Variants in MAN2A1 observed in about 807,000 individuals in gnomAD.
MAN2A1 encodes the protein alpha-mannosidase 2.
A neutral mutation model predicts 142.6 loss-of-function variants in MAN2A1; 76 were observed. That is an observed-to-expected ratio of 0.53 (90% CI 0.44 to 0.65). The LOEUF is 0.65. Ranked by LOEUF, MAN2A1 falls within the 30% of genes least tolerant of loss-of-function variation. The probability of loss-of-function intolerance (pLI) is 0.00; values close to 1 mark genes in which losing one functional copy is unlikely to be tolerated. For synonymous variants in MAN2A1, 559 were observed against 473.2 expected (o/e 1.18, Z -2.35); for missense variants, 1,311 against 1,365.1 (o/e 0.96, Z 0.62).
At chr5:109,844,632 C>A (rs1001574011) in intron 17 of MAN2A1, among the ~76,000 whole-genome samples, 1 of 152,164 alleles carries the variant, frequency 6.6e-6, no homozygotes, top group Admixed American at 6.5e-5. Flanking sequence ...TTGGCAGGGC[C>A]ATATTCCCTC....
chr5:109,712,626 G>A (rs1018858202), intron 1 of MAN2A1, among the ~76,000 whole-genome samples: 7 of 152,166 alleles, frequency 4.6e-5, no homozygotes, highest in Middle Eastern at 3.4e-3. Flanking sequence ...ACCTTAATGT[G>A]GGTTTTTTGA....
intron 18 of MAN2A1, among the ~76,000 whole-genome samples, chr5:109,847,205 G>A (rs1755365422): frequency 6.6e-6 from 1 of 152,150 alleles, no homozygotes; most frequent in Non-Finnish European, 1.5e-5. Flanking sequence ...GGACTAGACA[G>A]TAAGACTCAA....
chr5:109,724,755 C>T (rs375542129), intron 3 of MAN2A1, among the ~76,000 whole-genome samples: 21 of 152,068 alleles, frequency 1.4e-4, no homozygotes, highest in Middle Eastern at 3.4e-3. Context: ...CTTTGTGGAG[C>T]GGGGTGCCTT....
chr5:109,763,678 A>G (rs1752915164), intron 5 of MAN2A1, among the ~76,000 whole-genome samples: 1 of 152,072 alleles, frequency 6.6e-6, no homozygotes, highest in African/African-American at 2.4e-5. Flanking sequence ...TTTGTTTTCT[A>G]AAGAATTTAG....
intron 5 of MAN2A1, among the ~76,000 whole-genome samples, chr5:109,759,177 A>G (rs907811824): frequency 1.3e-5 from 2 of 152,164 alleles, no homozygotes; most frequent in African/African-American, 2.4e-5. Flanking sequence ...ACAATGTCAC[A>G]TCTTCTGATA....
intron 16 of MAN2A1, among the ~76,000 whole-genome samples, chr5:109,827,544 G>A (rs944950663): frequency 2.0e-5 from 3 of 152,134 alleles, no homozygotes; most frequent in Non-Finnish European, 2.9e-5. Flanking sequence ...TTGAGAGGCC[G>A]TATAGTTCAA....
chr5:109,791,273 TATC>T (rs1455007776), intron 12 of MAN2A1, among the ~76,000 whole-genome samples: 4 of 152,048 alleles, frequency 2.6e-5, no homozygotes, highest in Non-Finnish European at 4.4e-5. Context: ...TTATGCTTAT[TATC>T]CATTTTATAG....
intron 1 of MAN2A1, among the ~76,000 whole-genome samples, chr5:109,691,466 C>A (rs1235101873): frequency 6.6e-6 from 1 of 152,186 alleles, no homozygotes; most frequent in East Asian, 1.9e-4. Context: ...AACTCAAACC[C>A]TGACAGGGCA....
Position 109,781,530 on chromosome 5 carries a change from C to G in MAN2A1, c.1509C>G (p.Tyr503Ter). The stretch of plus-strand genomic sequence containing the variant: ...CTTATGCCGATCGAGATGATCATTA[C>G]TGGAGTGGCTATTTTACATCCAGAC... ...FFTYADRDDH[Y>*]WSGYFTSRPF... The change falls in exon 9 of 22, where the codon TAC (tyrosine) becomes TAG (stop). Residue 503 changes from tyrosine (Y) to a stop codon, truncating the protein, a stop_gained. Coordinates refer to ENST00000261483, the MANE Select transcript of MAN2A1 (RefSeq NM_002372.4). LOFTEE classifies it high-confidence loss of function. The G allele has an allele frequency of 6.2e-7, 1 of 1,613,006 alleles. No homozygotes were observed. The highest frequency in any genetic ancestry group is 1.3e-5 in the African/African-American group (1 of 75,014).
chr5:109,775,057 A>G (rs776711427), intron 8 of MAN2A1, 92 bp downstream of exon 8: 2 of 791,962 alleles, frequency 2.5e-6, no homozygotes, highest in Admixed American at 3.0e-5. Flanking sequence ...TCTTTGTCCT[A>G]CATCACAGTG....
chr5:109,747,991 A>G (rs1561491602), intron 4 of MAN2A1, among the ~76,000 whole-genome samples: 1 of 152,164 alleles, frequency 6.6e-6, no homozygotes, highest in Non-Finnish European at 1.5e-5. Context: ...CTTTTTAAAC[A>G]TGTATCTTGG....
intron 19 of MAN2A1, among the ~76,000 whole-genome samples, 169 bp downstream of exon 19, chr5:109,847,959 G>T (rs180964484): frequency 6.6e-6 from 1 of 152,028 alleles, no homozygotes; most frequent in East Asian, 1.9e-4. Context: ...TATAAATATC[G>T]TGTAAGATTT....
chr5:109,799,214 G>A (rs1168571125), intron 12 of MAN2A1, among the ~76,000 whole-genome samples: 1 of 152,156 alleles, frequency 6.6e-6, no homozygotes, highest in African/African-American at 2.4e-5. Flanking sequence ...TAGCAATGAT[G>A]TAACTTAGCT....
intron 16 of MAN2A1, among the ~76,000 whole-genome samples, chr5:109,835,474 G>A (rs1755031740): frequency 6.6e-6 from 1 of 152,154 alleles, no homozygotes; most frequent in Non-Finnish European, 1.5e-5. Flanking sequence ...TATTTTATGT[G>A]ATTTGATAGC....
rs552632843 is a variant in MAN2A1, at chr5:109,768,234, A to T, written c.1009+526A>T. Among the ~76,000 whole-genome samples the T allele has an allele frequency of 4.6e-5, 6 of 129,896 alleles. No individual in the cohort carries two copies. In the East Asian group the frequency reaches 8.5e-4, roughly 18 times the overall value. The allele number at this position is 129,896 out of a possible 152,430, so 85.2% of individuals were successfully genotyped here. A position where few individuals can be genotyped will look rare whatever the true frequency, so the allele number is the denominator to read the frequency against. On this transcript the variant is annotated intron_variant, in intron 6 of 21. Transcript: ENST00000261483. ...GGATATACTTGTGCAGCTCTTTATT[A>T]GGAGAGAGGAGAAAAGATCTAGGCC...
chr5:109,767,759 A>G, intron 6 of MAN2A1, 51 bp downstream of exon 6: 1 of 1,507,996 alleles, frequency 6.6e-7, no homozygotes. Flanking sequence ...ATACTATTTC[A>G]CAAGGGTTAT....
chr5:109,781,512 C>G lies in MAN2A1; in HGVS notation c.1491C>G (p.Ala497=), dbSNP rs770915665. 1 of 1,612,894 alleles carries G rather than the reference C, an allele frequency of 6.2e-7. No homozygotes were observed. The highest frequency in any genetic ancestry group is 1.7e-5 in the Admixed American group (1 of 59,818). The change falls in exon 9 of 22, where the codon GCC becomes GCG. Residue 497 remains alanine (A), a synonymous_variant. Coordinates refer to ENST00000261483, the MANE Select transcript of MAN2A1 (RefSeq NM_002372.4). ...PVLSGDFFTY[A]DRDDHYWSGY... is the part of the protein sequence containing the mutation. ...TAAGTGGAGATTTTTTCACTTATGCCGATCGAGATGATCATTACTGGAGTG... is the reference window on the plus strand; with the variant it reads ...TAAGTGGAGATTTTTTCACTTATGCGGATCGAGATGATCATTACTGGAGTG...
At chr5:109,704,206 A>G (rs866442296) in intron 1 of MAN2A1, among the ~76,000 whole-genome samples, 13 of 152,342 alleles carry the variant, frequency 8.5e-5, no homozygotes, top group African/African-American at 3.1e-4. Context: ...TTCCCTTCAC[A>G]GTCATTTGGC....
At position 109,690,337 on chromosome 5, in the gene MAN2A1, C is replaced by A; in HGVS notation, c.-81C>A. On this transcript the variant is annotated 5_prime_UTR_variant, in exon 1 of 22. Coordinates refer to ENST00000261483, the MANE Select transcript of MAN2A1 (RefSeq NM_002372.4). The stretch of plus-strand genomic sequence containing the variant: ...GCGCAGCCCGGGAGAAGGGAGCCTC[C>A]GGCGGCTGCTTCCTAGAGTCCACAG... 1 of 1,499,204 alleles carries A rather than the reference C, an allele frequency of 6.7e-7. No individual in the cohort carries two copies. The highest frequency in any genetic ancestry group is 9.3e-7 in the Non-Finnish European group (1 of 1,078,950). The allele number at this position is 1,499,204 out of a possible 1,614,324, so 92.9% of individuals were successfully genotyped here.
Sources: gnomAD v4.1 joint callset for allele counts (sites outside exome capture counted in the v4.1 genomes callset) on GRCh38, gnomAD v4.1.1 for gene constraint, MANE v1.5 for transcripts, NCBI Gene and HGNC (gene_info 2026-07-23, HGNC 2026-07-21) for gene names.